The following FGD6 variants were observed in gnomAD, a reference collection of about 807,000 sequenced individuals.
The protein encoded by FGD6 is FYVE, RhoGEF and PH domain containing 6, also known as FYVE, RhoGEF and PH domain-containing protein 6.
A neutral mutation model predicts 149.4 loss-of-function variants in FGD6; 90 were observed. That is an observed-to-expected ratio of 0.60 (90% CI 0.51 to 0.72). The LOEUF is 0.72. FGD6 is among the 30% of genes least tolerant of loss of function. The probability of loss-of-function intolerance (pLI) is 0.00; values close to 1 mark genes in which losing one functional copy is unlikely to be tolerated. For synonymous variants in FGD6, 527 were observed against 584.0 expected, an observed-to-expected ratio of 0.90 and a Z score of 1.41; for missense variants, 1,437 against 1,684.8, an observed-to-expected ratio of 0.85 and a Z score of 2.57.
intron 2 of FGD6, among the ~76,000 whole-genome samples, chr12:95,183,477 C>T (rs1455407886): frequency 6.6e-6 from 1 of 152,180 alleles, no homozygotes; most frequent in Non-Finnish European, 1.5e-5. Context: ...CGTCCAGTGT[C>T]GAGCATCAGG....
intron 8 of FGD6, among the ~76,000 whole-genome samples, chr12:95,123,565 ATTT>A (rs34064127): frequency 1.4e-5 from 2 of 144,914 alleles, no homozygotes; most frequent in Non-Finnish European, 3.0e-5. Flanking sequence ...GTCAATATAC[ATTT>A]TTTTTTTTTT....
intron 8 of FGD6, chr12:95,125,932 C>G (rs1195056162): frequency 2.1e-6 from 3 of 1,454,360 alleles, no homozygotes; most frequent in Admixed American, 1.7e-5. Flanking sequence ...ATGCAGCTCA[C>G]TGATTTCATC....
chr12:95,213,407 C>T (rs1415990298), intron 1 of FGD6, among the ~76,000 whole-genome samples: 1 of 151,922 alleles, frequency 6.6e-6, no homozygotes, highest in African/African-American at 2.4e-5. Context: ...AGTAAGACTC[C>T]GTCTCCATGA....
chr12:95,186,228 CTTTTTTTTTTTTTTTTTTTTTTTTTT>C (rs1174763781), intron 2 of FGD6, among the ~76,000 whole-genome samples: 17 of 38,938 alleles, frequency 4.4e-4, no homozygotes, highest in Non-Finnish European at 5.9e-4. Context: ...TATTCTTCTT[CTTTTTTTTTTTTTTTTTTTTTTTTTT>C]TTTTTTTTTT....
chr12:95,125,998 T>C (rs1879328230), intron 8 of FGD6: 2 of 1,381,956 alleles, frequency 1.4e-6, no homozygotes, highest in Admixed American at 1.7e-5. Context: ...TGGCAGAAGG[T>C]AGACATCAAT....
chr12:95,138,493 G>A lies in FGD6; in HGVS notation c.2838-815C>T, dbSNP rs575576275. Among the ~76,000 whole-genome samples, 4 of 151,262 alleles carry A rather than the reference G, an allele frequency of 2.6e-5. 1 individual carries two copies. The highest frequency in any genetic ancestry group is 7.3e-5 in the African/African-American group (3 of 41,218). ...CGGTAGGTAGAGGTTGCAGCGAGCC[G>A]AGATTGTGCCCACTGCACTCCAGCC... is the stretch of plus-strand genomic sequence containing the variant. On this transcript the variant is annotated intron_variant, in intron 6 of 20. Transcript: ENST00000343958.
In FGD6 at chr12:95,172,709, C is replaced by T. The variant is rs1479300129; in HGVS notation, c.2477G>A (p.Gly826Asp). The change falls in exon 3 of 21, where the codon GGT becomes GAT. Residue 826 changes from glycine (G) to aspartate (D), a missense_variant. By Grantham distance (94) the Gly-to-Asp change is moderately conservative. This residue lies in a region of FGD6 where 1,055 missense variants were observed against 1,146.0 expected (regional missense o/e 0.92). Transcript: ENST00000343958. ...GASQEEQNDL[G>D]LGDLPSDEEE... ...CTCATCAGAGGGAAGGTCACCAAGA[C>T]CAAGATCATTCTGTTCCTCCTGGGA... is the stretch of plus-strand genomic sequence containing the variant. 1.2e-6 allele frequency: 2 copies of T among 1,612,830 alleles called. No individual in the cohort carries two copies. The highest frequency in any genetic ancestry group is 2.2e-5 in the South Asian group (2 of 90,730).
chr12:95,148,848 TTA>T lies in FGD6; in HGVS notation c.2685+3961_2685+3962del, dbSNP rs1156874764. On this transcript the variant is annotated intron_variant, in intron 5 of 20. Coordinates refer to ENST00000343958, the MANE Select transcript of FGD6 (RefSeq NM_018351.4). ...TATATTATATAATATATAGCATATA[TTA>T]TATATATTATATAAGATATAGCATA... is the stretch of plus-strand genomic sequence containing the variant. Among the ~76,000 whole-genome samples the T allele has an allele frequency of 8.4e-5, 7 of 83,020 alleles. 2 individuals are homozygous for T. The East Asian group carries it at 1.4e-3, about 16-fold the overall frequency. The allele number at this position is 83,020 out of a possible 152,430, so 54.5% of individuals were successfully genotyped here.
intron 6 of FGD6, among the ~76,000 whole-genome samples, chr12:95,140,517 T>C (rs1879811695): frequency 1.3e-5 from 2 of 152,100 alleles, no homozygotes; most frequent in Admixed American, 1.3e-4. Context: ...CGCAGGAGGC[T>C]GAGACAGAAG....
At chr12:95,213,808 G>A (rs1454532055) in intron 1 of FGD6, among the ~76,000 whole-genome samples, 4 of 152,094 alleles carry the variant, frequency 2.6e-5, no homozygotes, top group African/African-American at 9.7e-5. Flanking sequence ...GTCCTATTAC[G>A]TACATAAAAC....
At chr12:95,175,746 GC>G in intron 2 of FGD6, among the ~76,000 whole-genome samples, 1 of 146,686 alleles carries the variant, frequency 6.8e-6, no homozygotes, top group Non-Finnish European at 1.5e-5. Flanking sequence ...GTTGCAGTGA[GC>G]CAAGACTATG....
At position 95,116,197 on chromosome 12, in the gene FGD6, G is replaced by A. The variant is rs542592630; in HGVS notation, c.3083-2496C>T. Among the ~76,000 whole-genome samples, 40 of 152,206 alleles carry A rather than the reference G, an allele frequency of 2.6e-4. No homozygotes were observed. In the South Asian group the frequency reaches 5.0e-3, roughly 19 times the overall value. Reference sequence around the variant, plus strand: ...ATGCATTCAATATATTACATAATCCGTGTCTGGTGAGTGCAAACATTTAAC... The same window carrying A: ...ATGCATTCAATATATTACATAATCCATGTCTGGTGAGTGCAAACATTTAAC... On this transcript the variant is annotated intron_variant, in intron 8 of 20. Transcript: ENST00000343958.
At chr12:95,170,777 T>C (rs1244370700) in intron 3 of FGD6, among the ~76,000 whole-genome samples, 1 of 152,206 alleles carries the variant, frequency 6.6e-6, no homozygotes, top group African/African-American at 2.4e-5. Context: ...AGCTGCAACA[T>C]GGAAAACGAG....
At chr12:95,130,505 G>A (rs1879488274) in intron 8 of FGD6, among the ~76,000 whole-genome samples, 1 of 152,112 alleles carries the variant, frequency 6.6e-6, no homozygotes, top group South Asian at 2.1e-4. Context: ...AGTTGTTGGA[G>A]GATTAAATCA....
intron 8 of FGD6, among the ~76,000 whole-genome samples, chr12:95,124,304 G>A (rs998010870): frequency 3.3e-5 from 5 of 152,088 alleles, no homozygotes; most frequent in Admixed American, 6.6e-5. Context: ...TGGCACAGTC[G>A]AGCCACACTT....
chr12:95,196,790 C>A (rs947340456), intron 2 of FGD6, among the ~76,000 whole-genome samples: 1 of 151,760 alleles, frequency 6.6e-6, no homozygotes, highest in Non-Finnish European at 1.5e-5. Flanking sequence ...TAGGTACATG[C>A]CACCATGCCT....
Position 95,078,580 on chromosome 12 carries a change from A to G in FGD6, c.*2940T>C, listed in dbSNP as rs1877568266. 6.6e-6 allele frequency: 1 copy of G among 152,236 alleles called. No individual in the cohort carries two copies. Among genetic ancestry groups the G allele is most frequent in the African/African-American group, 2.4e-5 (1 of 41,474 alleles). 9.4% of individuals were successfully genotyped at this position (152,236 alleles called of 1,614,324 possible). ...TGATCTCATTTTAAGAAATGCTACT[A>G]CACACTCAAAGAATCAAGAATCTTG... On this transcript the variant is annotated 3_prime_UTR_variant, in exon 21 of 21. Transcript: ENST00000343958.
At chr12:95,132,166 T>C (rs1879540766) in intron 8 of FGD6, among the ~76,000 whole-genome samples, 1 of 152,156 alleles carries the variant, frequency 6.6e-6, no homozygotes, top group African/African-American at 2.4e-5. Context: ...CTTCTTTTGT[T>C]TAAGAGACGG....
intron 19 of FGD6, among the ~76,000 whole-genome samples, 192 bp from the exon 20 acceptor site, chr12:95,084,838 T>C (rs1054631048): frequency 6.6e-6 from 1 of 152,266 alleles, no homozygotes; most frequent in Non-Finnish European, 1.5e-5. Context: ...AGGTACCCTA[T>C]ATGCCAGGCA....
Sources: allele counts gnomAD v4.1 joint callset (sites outside exome capture counted in the v4.1 genomes callset), GRCh38; gene constraint gnomAD v4.1.1; regional missense constraint gnomAD v4.1.1; transcripts MANE v1.5; gene names NCBI Gene and HGNC (gene_info 2026-07-23, HGNC 2026-07-21).